CDK14: variants seen among roughly 807,000 people sequenced by gnomAD.
The protein encoded by CDK14 is cyclin dependent kinase 14, also known as cyclin-dependent kinase 14.
Under a neutral mutation model 60.7 loss-of-function variants are expected in CDK14, and 34 were observed. The ratio of observed to expected loss-of-function variants is 0.56; its 90% CI spans 0.43 to 0.75. The LOEUF (loss-of-function observed/expected upper bound fraction) is 0.75. CDK14 is among the 30% of genes least tolerant of loss of function. The pLI, the probability that CDK14 is intolerant of heterozygous loss-of-function variation, is 0.00. For synonymous variants in CDK14, 197 were observed against 203.7 expected, an observed-to-expected ratio of 0.97 and a Z score of 0.28; for missense variants, 482 against 564.1, an observed-to-expected ratio of 0.85 and a Z score of 1.47.
At chr7:91,162,080 A>G (rs903537836) in intron 14 of CDK14, among the ~76,000 whole-genome samples, 1 of 152,206 alleles carries the variant, frequency 6.6e-6, no homozygotes, top group Non-Finnish European at 1.5e-5. Context: ...AAAAACTAAG[A>G]AAGAGAGGCA....
intron 14 of CDK14, among the ~76,000 whole-genome samples, chr7:91,131,284 G>A (rs917432596): frequency 6.6e-6 from 1 of 151,914 alleles, no homozygotes; most frequent in African/African-American, 2.4e-5. Flanking sequence ...ATGATGTTTT[G>A]GAGAAGAATA....
chr7:90,922,964 G>A (rs981576414), intron 8 of CDK14, among the ~76,000 whole-genome samples: 2 of 152,058 alleles, frequency 1.3e-5, no homozygotes, highest in Non-Finnish European at 2.9e-5. Context: ...TGGCACCAGG[G>A]TTATACATGT....
chr7:91,206,893 C>G (rs955212053), intron 14 of CDK14, among the ~76,000 whole-genome samples: 4 of 152,052 alleles, frequency 2.6e-5, no homozygotes, highest in Non-Finnish European at 5.9e-5. Context: ...TTCTTTTTCT[C>G]TAAATATCCA....
chr7:90,896,643 C>G (rs1035948510), intron 6 of CDK14, among the ~76,000 whole-genome samples: 3 of 152,160 alleles, frequency 2.0e-5, no homozygotes, highest in Non-Finnish European at 4.4e-5. Context: ...GTTGGTGACT[C>G]ATGCCATTGA....
At chr7:90,908,469 A>C (rs1792783882) in intron 7 of CDK14, among the ~76,000 whole-genome samples, 1 of 152,154 alleles carries the variant, frequency 6.6e-6, no homozygotes, top group African/African-American at 2.4e-5. Context: ...AATGATTGGA[A>C]GTGTTACATG....
Position 90,901,674 on chromosome 7 carries a change from GTA to G in CDK14, c.702+2336_702+2337del, listed in dbSNP as rs10646692. Among the ~76,000 whole-genome samples the G allele has an allele frequency of 2.9e-3, 437 of 148,252 alleles. 6 individuals are homozygous for G. Among genetic ancestry groups the G allele is most frequent in the African/African-American group, 0.01 (415 of 40,366 alleles). On this transcript the variant is annotated intron_variant, in intron 7 of 14. Coordinates refer to ENST00000380050, the MANE Select transcript of CDK14 (RefSeq NM_001287135.2). ...TAGAGTCACCTGGCAAGCTTTATAT[GTA>G]TATATATATATATACACACACACAC...
intron 12 of CDK14, among the ~76,000 whole-genome samples, chr7:91,084,336 A>G (rs1416468968): frequency 6.6e-6 from 1 of 152,234 alleles, no homozygotes. Context: ...ACAGAACAGA[A>G]GCCTGACTTC....
At chr7:90,647,164 A>G (rs1800486796) in intron 2 of CDK14, among the ~76,000 whole-genome samples, 1 of 152,192 alleles carries the variant, frequency 6.6e-6, no homozygotes, top group South Asian at 2.1e-4. Flanking sequence ...TGCTTTCAAC[A>G]CTTAGTTATA....
intron 8 of CDK14, among the ~76,000 whole-genome samples, chr7:90,939,592 T>A (rs1253715930): frequency 6.6e-6 from 1 of 152,238 alleles, no homozygotes; most frequent in African/African-American, 2.4e-5. Context: ...CAACATTCAT[T>A]GCATTCATTT....
chr7:91,053,315 C>T (rs1208050904), intron 11 of CDK14, among the ~76,000 whole-genome samples: 1 of 152,140 alleles, frequency 6.6e-6, no homozygotes, highest in Non-Finnish European at 1.5e-5. Context: ...GCCCAGAGAT[C>T]TCATCCCTCC....
At chr7:90,622,413 A>T (rs1339786969) in intron 2 of CDK14, among the ~76,000 whole-genome samples, 1 of 152,192 alleles carries the variant, frequency 6.6e-6, no homozygotes, top group Non-Finnish European at 1.5e-5. Flanking sequence ...ACTTTTCTTG[A>T]AACTTTTATT....
chr7:90,925,404 C>T (rs371536971), intron 8 of CDK14, among the ~76,000 whole-genome samples: 10 of 151,926 alleles, frequency 6.6e-5, no homozygotes, highest in Admixed American at 1.3e-4. Flanking sequence ...CCATATCATG[C>T]GAATGGAATA....
intron 5 of CDK14, among the ~76,000 whole-genome samples, chr7:90,795,222 C>A (rs1389583256): frequency 6.6e-6 from 1 of 151,978 alleles, no homozygotes; most frequent in Non-Finnish European, 1.5e-5. Flanking sequence ...AACTTTACAA[C>A]TTGTTCATAT....
At chr7:90,929,155 C>A (rs757178469) in intron 8 of CDK14, among the ~76,000 whole-genome samples, 1 of 152,210 alleles carries the variant, frequency 6.6e-6, no homozygotes, top group Non-Finnish European at 1.5e-5. Context: ...AAAGGGAATT[C>A]CCCGACCCCT....
intron 9 of CDK14, among the ~76,000 whole-genome samples, chr7:90,967,781 G>T (rs1013850561): frequency 2.6e-5 from 4 of 152,192 alleles, no homozygotes; most frequent in African/African-American, 9.7e-5. Context: ...AAAGTAGTTA[G>T]TGAAGCATTT....
At chr7:90,787,519 C>T (rs1187390557) in intron 4 of CDK14, among the ~76,000 whole-genome samples, 1 of 152,040 alleles carries the variant, frequency 6.6e-6, no homozygotes, top group African/African-American at 2.4e-5. Flanking sequence ...GTAATTTATT[C>T]TGGACTTATT....
intron 10 of CDK14, among the ~76,000 whole-genome samples, chr7:91,040,342 G>A (rs1259291050): frequency 6.6e-6 from 1 of 152,164 alleles, no homozygotes; most frequent in Non-Finnish European, 1.5e-5. Context: ...TTCCAGAGCA[G>A]GGTGTATAAT....
intron 4 of CDK14, among the ~76,000 whole-genome samples, chr7:90,774,271 C>T (rs1279997041): frequency 6.6e-6 from 1 of 152,126 alleles, no homozygotes; most frequent in Non-Finnish European, 1.5e-5. Flanking sequence ...ATCTATTTAG[C>T]TCTTCAGTTA....
chr7:90,882,262 C>CAA (rs142619671), intron 6 of CDK14, among the ~76,000 whole-genome samples: 43,797 of 116,312 alleles, frequency 0.38, 9,076 homozygotes, highest in East Asian at 0.69. Context: ...AAATGGAAAG[C>CAA]AAAAAAAAAA....
Sources: gnomAD v4.1 joint callset for allele counts (sites outside exome capture counted in the v4.1 genomes callset) on GRCh38, gnomAD v4.1.1 for gene constraint, MANE v1.5 for transcripts, NCBI Gene and HGNC (gene_info 2026-07-23, HGNC 2026-07-21) for gene names.